SEMA3A: variants seen among roughly 807,000 people sequenced by gnomAD.
SEMA3A encodes the protein semaphorin 3A.
Under a neutral mutation model 97.9 loss-of-function variants are expected in SEMA3A, and 29 were observed. The ratio of observed to expected loss-of-function variants is 0.30; its 90% CI spans 0.22 to 0.40. The LOEUF is 0.40. Among genes scored for constraint, SEMA3A ranks in the 10% least tolerant of loss-of-function variants. SEMA3A has a pLI of 1.00. For missense variants in SEMA3A, 763 were observed against 951.3 expected (o/e 0.80, Z 2.60); for synonymous variants, 321 against 323.7 (o/e 0.99, Z 0.09).
At chr7:84,161,983 C>T (rs1360434167) in intron 1 of SEMA3A, among the ~76,000 whole-genome samples, 1 of 151,926 alleles carries the variant, frequency 6.6e-6, no homozygotes, top group African/African-American at 2.4e-5. Flanking sequence ...TTAATCCTGA[C>T]CCTAATTCCC....
intron 3 of SEMA3A, among the ~76,000 whole-genome samples, chr7:84,228,728 A>G (rs1057056436): frequency 2.0e-5 from 3 of 152,128 alleles, no homozygotes; most frequent in African/African-American, 4.8e-5. Flanking sequence ...GTTAAGTACC[A>G]TGTTCATTTG....
At chr7:84,321,902 A>AAAAAAAAAAAT (rs1801658557) in intron 2 of SEMA3A, among the ~76,000 whole-genome samples, 2 of 143,960 alleles carry the variant, frequency 1.4e-5, no homozygotes, top group Non-Finnish European at 3.0e-5. Flanking sequence ...AAAAAAAAGA[A>AAAAAAAAAAAT]GAAGAAGAAG....
intron 2 of SEMA3A, among the ~76,000 whole-genome samples, chr7:84,332,425 G>A (rs1031523580): frequency 5.3e-5 from 8 of 152,032 alleles, no homozygotes; most frequent in African/African-American, 1.7e-4. Flanking sequence ...TTAATTCTAC[G>A]AAGTCTTGGA....
intron 3 of SEMA3A, among the ~76,000 whole-genome samples, chr7:84,278,573 G>A (rs1433109774): frequency 6.6e-6 from 1 of 152,138 alleles, no homozygotes; most frequent in Non-Finnish European, 1.5e-5. Flanking sequence ...TGGTTCTGCA[G>A]GCTGTACAAG....
intron 3 of SEMA3A, among the ~76,000 whole-genome samples, chr7:84,238,058 C>A (rs1428390779): frequency 2.6e-5 from 4 of 151,808 alleles, no homozygotes; most frequent in Admixed American, 6.6e-5. Flanking sequence ...ATGAGAGTGC[C>A]CCAGAGGATA....
intron 3 of SEMA3A, among the ~76,000 whole-genome samples, chr7:84,224,122 T>C (rs528034766): frequency 6.6e-6 from 1 of 152,092 alleles, no homozygotes; most frequent in African/African-American, 2.4e-5. Context: ...ATCTTTAATT[T>C]AATCATTCAT....
intron 3 of SEMA3A, among the ~76,000 whole-genome samples, chr7:84,218,567 A>G (rs1798803160): frequency 6.6e-6 from 1 of 152,022 alleles, no homozygotes; most frequent in Non-Finnish European, 1.5e-5. Context: ...TCTGCTCATT[A>G]TTTTTTGGCC....
intron 4 of SEMA3A, among the ~76,000 whole-genome samples, chr7:84,067,294 C>T (rs369070590): frequency 6.6e-6 from 1 of 152,042 alleles, no homozygotes; most frequent in Non-Finnish European, 1.5e-5. Flanking sequence ...AAGACTTAAA[C>T]GTTTGACCTA....
chr7:84,454,734 T>G (rs1223924318), intron 1 of SEMA3A, among the ~76,000 whole-genome samples: 1 of 152,018 alleles, frequency 6.6e-6, no homozygotes, highest in Non-Finnish European at 1.5e-5. Flanking sequence ...CAACAAAAAC[T>G]ATTTGACTCT....
intron 1 of SEMA3A, among the ~76,000 whole-genome samples, chr7:84,396,524 G>C (rs565117448): frequency 2.3e-4 from 35 of 151,870 alleles, no homozygotes; most frequent in Non-Finnish European, 4.7e-4. Flanking sequence ...GTAATAATAA[G>C]TTCAATATAT....
At chr7:84,131,255 T>C (rs1185084701) in intron 2 of SEMA3A, among the ~76,000 whole-genome samples, 1 of 152,130 alleles carries the variant, frequency 6.6e-6, no homozygotes, top group Non-Finnish European at 1.5e-5. Context: ...CTTTTAAGTA[T>C]TCATTTCCAT....
At chr7:84,444,830 G>A (rs766188573) in intron 1 of SEMA3A, among the ~76,000 whole-genome samples, 1 of 151,996 alleles carries the variant, frequency 6.6e-6, no homozygotes, top group Non-Finnish European at 1.5e-5. Context: ...AAAGTGCTGG[G>A]ATTACAGGTG....
chr7:84,200,879 T>C (rs1031898223), intron 3 of SEMA3A, among the ~76,000 whole-genome samples: 1 of 151,678 alleles, frequency 6.6e-6, no homozygotes, highest in Non-Finnish European at 1.5e-5. Context: ...AAAATCCCAT[T>C]GTTAATACTG....
In SEMA3A at chr7:84,011,101, A is replaced by G; in HGVS notation, c.926-10T>C. 1 of 1,611,030 alleles carries G rather than the reference A, an allele frequency of 6.2e-7. No homozygotes were observed. Among genetic ancestry groups the G allele is most frequent in the Non-Finnish European group, 8.5e-7 (1 of 1,177,558 alleles). On this transcript the variant is annotated splice_polypyrimidine_tract_variant and intron_variant, in intron 8 of 16. Coordinates refer to ENST00000265362, the MANE Select transcript of SEMA3A (RefSeq NM_006080.3). Reference sequence around the variant, plus strand: ...ATTAGGAATACATCCTCTGTTTAAAAACAAAATTGGAGAAAGTTGCTTTTT... The same window carrying G: ...ATTAGGAATACATCCTCTGTTTAAAGACAAAATTGGAGAAAGTTGCTTTTT...
At chr7:84,341,253 T>G (rs377655029) in intron 2 of SEMA3A, among the ~76,000 whole-genome samples, 2 of 152,220 alleles carry the variant, frequency 1.3e-5, no homozygotes, top group Non-Finnish European at 1.5e-5. Context: ...TGTATCCAAC[T>G]AAGAAATTCA....
chr7:84,129,920 T>C (rs1795913747), intron 2 of SEMA3A, among the ~76,000 whole-genome samples: 1 of 152,050 alleles, frequency 6.6e-6, no homozygotes, highest in Admixed American at 6.6e-5. Flanking sequence ...AAACGTCCCA[T>C]ATTGTGTGAA....
intron 2 of SEMA3A, among the ~76,000 whole-genome samples, chr7:84,320,321 C>T (rs557250722): frequency 1.4e-4 from 22 of 151,912 alleles, no homozygotes; most frequent in African/African-American, 4.8e-4. Flanking sequence ...TATGTATAGG[C>T]TTTTTGCTTA....
chr7:84,457,036 ACT>A (rs1805703858), intron 1 of SEMA3A, among the ~76,000 whole-genome samples: 1 of 151,734 alleles, frequency 6.6e-6, no homozygotes, highest in Non-Finnish European at 1.5e-5. Context: ...TTATATAAGC[ACT>A]GCTTATATAA....
At chr7:84,299,251 TATATATATCTCC>T (rs747194269) in intron 3 of SEMA3A, among the ~76,000 whole-genome samples, 39,495 of 132,466 alleles carry the variant, frequency 0.3, 7,381 homozygotes, top group Non-Finnish European at 0.42. Flanking sequence ...TGTATATATA[TATATATATCTCC>T]ATATATATAT....
Sources: gnomAD v4.1 joint callset for allele counts (sites outside exome capture counted in the v4.1 genomes callset) on GRCh38, gnomAD v4.1.1 for gene constraint, MANE v1.5 for transcripts, NCBI Gene and HGNC (gene_info 2026-07-23, HGNC 2026-07-21) for gene names.